The following C2orf49 variants were observed in gnomAD, a reference collection of about 807,000 sequenced individuals.
C2orf49 encodes the protein tRNA splicing ligase complex subunit 2, also known as tRNA-splicing ligase complex subunit ASW.
A neutral mutation model predicts 20.6 loss-of-function variants in C2orf49; 11 were observed. That is an observed-to-expected ratio of 0.53 (90% CI 0.34 to 0.88). C2orf49 has a LOEUF of 0.88. Among genes scored for constraint, C2orf49 ranks in the 40% least tolerant of loss-of-function variants. The pLI is 0.02. For synonymous variants in C2orf49, 134 were observed against 108.5 expected (o/e 1.24, Z -1.46); for missense variants, 289 against 274.2 (o/e 1.05, Z -0.38).
At chr2:105,355,744 A>G in the C2orf49 span, among the ~76,000 whole-genome samples, 3 of 151,190 alleles carry the variant, frequency 2.0e-5, no homozygotes, top group Non-Finnish European at 4.4e-5. Flanking sequence ...AAAAGTTCTA[A>G]GTTATATAGC....
the C2orf49 span, chr2:105,367,459 C>T: frequency 2.6e-4 from 291 of 1,126,138 alleles, no homozygotes; most frequent in East Asian, 6.9e-3. Context: ...ACAGCTCCCA[C>T]GCCACTTAAG....
chr2:105,374,724 A>T, the C2orf49 span, among the ~76,000 whole-genome samples: 10 of 152,234 alleles, frequency 6.6e-5, no homozygotes, highest in African/African-American at 2.4e-4. Context: ...TTTAAAAATG[A>T]CATACGGCAT....
chr2:105,344,442 G>T (rs1438658796), intron 3 of C2orf49, among the ~76,000 whole-genome samples: 6 of 150,468 alleles, frequency 4.0e-5, no homozygotes, highest in East Asian at 1.9e-4. Flanking sequence ...ATAGATATGA[G>T]ATATATATAT....
At chr2:105,353,089 C>T (rs748982225), downstream of C2orf49, among the ~76,000 whole-genome samples, 6 of 152,138 alleles carry the variant, frequency 3.9e-5, no homozygotes, top group Non-Finnish European at 5.9e-5. Context: ...AAGGCAGCAG[C>T]GAGTATGCAA....
At chr2:105,341,465 A>G (rs1016019249) in intron 2 of C2orf49, among the ~76,000 whole-genome samples, 1 of 152,236 alleles carries the variant, frequency 6.6e-6, no homozygotes, top group Non-Finnish European at 1.5e-5. Flanking sequence ...AACATGCCCA[A>G]GGTCACACAG....
At chr2:105,380,513 G>C in the C2orf49 span, among the ~76,000 whole-genome samples, 2 of 152,274 alleles carry the variant, frequency 1.3e-5, no homozygotes, top group African/African-American at 4.8e-5. Flanking sequence ...ACAGGCATGA[G>C]CCACCACGCC....
At chr2:105,378,919 G>C in the C2orf49 span, 1 of 152,182 alleles carries the variant, frequency 6.6e-6, no homozygotes, top group East Asian at 1.9e-4. Flanking sequence ...AGGGTGGTGG[G>C]CTTCCTGGGC....
chr2:105,339,305 C>G (rs1160416096), intron 1 of C2orf49, among the ~76,000 whole-genome samples: 1 of 152,146 alleles, frequency 6.6e-6, no homozygotes, highest in East Asian at 1.9e-4. Context: ...GATAATTTTA[C>G]TGGAAATGAT....
chr2:105,355,135 C>T, the C2orf49 span, among the ~76,000 whole-genome samples: 4 of 152,020 alleles, frequency 2.6e-5, no homozygotes, highest in African/African-American at 9.7e-5. Flanking sequence ...CAAAAAACAC[C>T]ACCACATATA....
intron 3 of C2orf49, among the ~76,000 whole-genome samples, chr2:105,343,778 T>C (rs560902855): frequency 1.3e-5 from 2 of 152,260 alleles, no homozygotes; most frequent in East Asian, 1.9e-4. Context: ...TGTTGAATCA[T>C]TTGGATGCTT....
chr2:105,338,039 G>A (rs1357201863), intron 1 of C2orf49, among the ~76,000 whole-genome samples: 1 of 152,198 alleles, frequency 6.6e-6, no homozygotes, highest in Non-Finnish European at 1.5e-5. Context: ...TGGACTGTCA[G>A]GACTGGAAAG....
Position 105,339,477 on chromosome 2 carries a change from T to G in C2orf49, c.100-106T>G, listed in dbSNP as rs192026146. ...GCGTGTTATTGTGAAAATGGCTTTT[T>G]ATAATTTGTTATTTAAGCAGTAATG... On this transcript the variant is annotated intron_variant, in intron 1 of 3. Coordinates refer to ENST00000258457, the MANE Select transcript of C2orf49 (RefSeq NM_024093.3). 3.7e-4 allele frequency: 413 copies of G among 1,117,776 alleles called. 2 individuals are homozygous for G. In the African/African-American group the frequency reaches 6.0e-3, roughly 16 times the overall value. 69.2% of individuals were successfully genotyped at this position (1,117,776 alleles called of 1,614,324 possible).
the C2orf49 span, chr2:105,376,141 C>T: frequency 3.9e-5 from 6 of 152,312 alleles, no homozygotes; most frequent in South Asian, 8.3e-4. Context: ...CCAGGCACGG[C>T]ACAGCCCTGC....
At chr2:105,365,213 C>G in the C2orf49 span, among the ~76,000 whole-genome samples, 2 of 152,212 alleles carry the variant, frequency 1.3e-5, no homozygotes, top group African/African-American at 4.8e-5. Context: ...ACACTCTGCT[C>G]TTCTCCTCCA....
In C2orf49 at chr2:105,345,944, C is replaced by G. The variant is rs1236339664; in HGVS notation, c.*573C>G. 6.6e-6 allele frequency: 1 copy of G among 151,454 alleles called. No homozygotes were observed. The highest frequency in any genetic ancestry group is 1.9e-4 in the East Asian group (1 of 5,162). 9.4% of individuals were successfully genotyped at this position (151,454 alleles called of 1,614,324 possible). A position where few individuals can be genotyped will look rare whatever the true frequency, so the allele number is the denominator to read the frequency against. Reference sequence around the variant, plus strand: ...CACCATTGCACTCCAGCCTGGGCAACAAGAGCGAAACTCCATCTCAAAAAA... The same window carrying G: ...CACCATTGCACTCCAGCCTGGGCAAGAAGAGCGAAACTCCATCTCAAAAAA... On this transcript the variant is annotated 3_prime_UTR_variant, in exon 4 of 4. Transcript: ENST00000258457.
the C2orf49 span, chr2:105,375,457 G>A: frequency 6.6e-6 from 1 of 152,204 alleles, no homozygotes; most frequent in Admixed American, 6.5e-5. Flanking sequence ...GGCCAACATG[G>A]CGAAACCCTA....
At chr2:105,363,344 A>G in the C2orf49 span, 2 of 1,614,088 alleles carry the variant, frequency 1.2e-6, no homozygotes, top group East Asian at 4.5e-5. Context: ...GAAGCAGTTC[A>G]GGCAGTAGGC....
At chr2:105,373,847 G>T in the C2orf49 span, 1 of 849,494 alleles carries the variant, frequency 1.2e-6, no homozygotes, top group Non-Finnish European at 1.9e-6. Flanking sequence ...TTGGGCCGAG[G>T]CACCCTGGCG....
At chr2:105,359,752 G>C in the C2orf49 span, 1 of 152,296 alleles carries the variant, frequency 6.6e-6, no homozygotes, top group East Asian at 1.9e-4. Context: ...CAGAAACACT[G>C]AAGGCTCCCA....
Sources: allele counts gnomAD v4.1 joint callset (sites outside exome capture counted in the v4.1 genomes callset), GRCh38; gene constraint gnomAD v4.1.1; transcripts MANE v1.5; gene names NCBI Gene and HGNC (gene_info 2026-07-23, HGNC 2026-07-21).